The following CPS1 variants were observed in gnomAD, a reference collection of about 807,000 sequenced individuals.
The protein encoded by CPS1 is carbamoyl-phosphate synthase 1.
Under a neutral mutation model 174.6 loss-of-function variants are expected in CPS1, and 109 were observed. The ratio of observed to expected loss-of-function variants is 0.62; its 90% CI spans 0.53 to 0.73. The LOEUF is 0.73. CPS1 is among the 30% of genes least tolerant of loss of function. The probability of loss-of-function intolerance (pLI) is 0.00; values close to 1 mark genes in which losing one functional copy is unlikely to be tolerated. For synonymous variants in CPS1, 637 were observed against 632.0 expected (o/e 1.01, Z -0.12); for missense variants, 1,689 against 1,821.9 (o/e 0.93, Z 1.33).
At chr2:210,630,682 T>A (rs1699838770) in intron 21 of CPS1, among the ~76,000 whole-genome samples, 2 of 152,216 alleles carry the variant, frequency 1.3e-5, no homozygotes, top group Admixed American at 1.3e-4. Context: ...AAAATAGTAG[T>A]GCCTACCCAA....
chr2:210,582,728 T>C lies in CPS1; in HGVS notation c.621+19T>C. 2.5e-6 allele frequency: 4 copies of C among 1,572,036 alleles called. No homozygotes were observed. Among genetic ancestry groups the C allele is most frequent in the Non-Finnish European group, 3.5e-6 (4 of 1,141,966 alleles). On this transcript the variant is annotated intron_variant, in intron 6 of 37. Coordinates refer to ENST00000233072, the MANE Select transcript of CPS1 (RefSeq NM_001875.5). ...AACCAAGGTGAGGGGTTTTCCTTTATATTTTGTAGTTTTATTTGATCCCAT... is the reference window on the plus strand; with the variant it reads ...AACCAAGGTGAGGGGTTTTCCTTTACATTTTGTAGTTTTATTTGATCCCAT...
At chr2:210,535,819 G>T (rs373165005) in intron 1 of CPS1, among the ~76,000 whole-genome samples, 555 of 117,598 alleles carry the variant, frequency 4.7e-3, no homozygotes, top group East Asian at 5.2e-3. Flanking sequence ...CTTTTTCCTT[G>T]TTTTTTTTTT....
intron 31 of CPS1, 76 bp from the exon 32 acceptor site, chr2:210,660,409 G>A: frequency 7.1e-7 from 1 of 1,417,742 alleles, no homozygotes; most frequent in Non-Finnish European, 1.0e-6. Context: ...CTGGAAACCA[G>A]TGGTAGAGAG....
At chr2:210,651,525 A>T (rs1403277472) in intron 28 of CPS1, among the ~76,000 whole-genome samples, 3 of 152,212 alleles carry the variant, frequency 2.0e-5, no homozygotes, top group Non-Finnish European at 4.4e-5. Context: ...GGGTCCTGCC[A>T]TGCGGCCCTT....
intron 15 of CPS1, 81 bp downstream of exon 15, chr2:210,600,793 A>G: frequency 7.0e-7 from 1 of 1,433,464 alleles, no homozygotes; most frequent in Non-Finnish European, 9.8e-7. Context: ...GCCTAATAAT[A>G]ATAGTTAAGA....
chr2:210,546,024 A>G (rs562331446), intron 1 of CPS1, among the ~76,000 whole-genome samples: 1 of 151,920 alleles, frequency 6.6e-6, no homozygotes, highest in Non-Finnish European at 1.5e-5. Context: ...TTAGATTTTT[A>G]GTTCTTTTTG....
intron 1 of CPS1, among the ~76,000 whole-genome samples, chr2:210,505,723 G>A (rs758874608): frequency 6.6e-5 from 10 of 152,178 alleles, no homozygotes; most frequent in African/African-American, 1.7e-4. Context: ...CTTAGCAAAC[G>A]GCACACCAGG....
chr2:210,602,040 A>G (rs75685792), intron 15 of CPS1, among the ~76,000 whole-genome samples, 162 bp from the exon 16 acceptor site: 50 of 152,012 alleles, frequency 3.3e-4, no homozygotes, highest in African/African-American at 1.2e-3. Flanking sequence ...CATTTGAGTA[A>G]CAACACTTGC....
intron 11 of CPS1, chr2:210,593,472 G>C: frequency 1.0e-6 from 1 of 993,374 alleles, no homozygotes; most frequent in Non-Finnish European, 1.2e-6. Context: ...GAACCACAAG[G>C]AATGCTTAGA....
At chr2:210,645,980 G>A (rs1700365481) in intron 25 of CPS1, among the ~76,000 whole-genome samples, 1 of 152,080 alleles carries the variant, frequency 6.6e-6, no homozygotes, top group South Asian at 2.1e-4. Flanking sequence ...TTGCAAAACA[G>A]AATTTTTAAT....
intron 29 of CPS1, among the ~76,000 whole-genome samples, chr2:210,655,576 T>C (rs972212870): frequency 6.6e-6 from 1 of 152,178 alleles, no homozygotes; most frequent in African/African-American, 2.4e-5. Context: ...TGAGCTCTTA[T>C]TATTTTATAA....
At chr2:210,501,498 C>CT (rs1200779296) in intron 1 of CPS1, among the ~76,000 whole-genome samples, 7 of 152,276 alleles carry the variant, frequency 4.6e-5, no homozygotes, top group African/African-American at 1.7e-4. Context: ...TTCTTGAATG[C>CT]TTTGCTGCTT....
rs1384798897 is a variant in CPS1 at position 210,650,567 on chromosome 2, A to T, written c.3480+129A>T. 13 of 758,752 alleles carry T rather than the reference A, an allele frequency of 1.7e-5. No individual in the cohort carries two copies. The East Asian group carries it at 3.5e-4, about 20-fold the overall frequency. 47.0% of individuals were successfully genotyped at this position (758,752 alleles called of 1,614,324 possible). ...ACTTTGTATGTTTTCTTTTCACACA[A>T]TGTGTTAGAATGAGTTTTCTTTTTT... On this transcript the variant is annotated intron_variant, in intron 28 of 37. Transcript: ENST00000233072.
At position 210,486,571 on chromosome 2, in the gene CPS1, T is replaced by A. The variant is rs150399073; in HGVS notation, c.3+8805T>A. On this transcript the variant is annotated intron_variant, in intron 1 of 38. Coordinates refer to the CPS1 transcript ENST00000430249. ...TGTTGCCCAGGCTGGAGTGCAATGG[T>A]GCGATCGCGGCTTACCGCAACCTCC... Among the ~76,000 whole-genome samples the A allele has an allele frequency of 7.4e-3, 1,125 of 152,274 alleles. 12 individuals are homozygous for A. Among genetic ancestry groups the A allele is most frequent in the African/African-American group, 0.026 (1,065 of 41,560 alleles).
chr2:210,521,090 G>A (rs954237662), intron 1 of CPS1, among the ~76,000 whole-genome samples: 1 of 151,938 alleles, frequency 6.6e-6, no homozygotes, highest in African/African-American at 2.4e-5. Context: ...TCAATTCTTT[G>A]AGGACCTCAC....
chr2:210,523,416 T>TC (rs1695881307), intron 1 of CPS1, among the ~76,000 whole-genome samples: 1 of 151,984 alleles, frequency 6.6e-6, no homozygotes. Flanking sequence ...GTGCAATATA[T>TC]CCATGGGTTT....
At chr2:210,511,297 C>T (rs1349380028) in intron 1 of CPS1, among the ~76,000 whole-genome samples, 2 of 151,972 alleles carry the variant, frequency 1.3e-5, no homozygotes, top group Non-Finnish European at 2.9e-5. Context: ...AACCAAACAC[C>T]GCATGTTCTT....
intron 3 of CPS1, among the ~76,000 whole-genome samples, chr2:210,576,877 C>A (rs1160429822): frequency 6.6e-6 from 1 of 151,976 alleles, no homozygotes; most frequent in Non-Finnish European, 1.5e-5. Flanking sequence ...AGCTTTTATG[C>A]CAGTCTAAAA....
At chr2:210,506,680 A>T (rs1695296931) in intron 1 of CPS1, among the ~76,000 whole-genome samples, 1 of 152,244 alleles carries the variant, frequency 6.6e-6, no homozygotes, top group Non-Finnish European at 1.5e-5. Context: ...AGAAGTCCTT[A>T]AAGGACCTGA....
Sources: allele counts gnomAD v4.1 joint callset (sites outside exome capture counted in the v4.1 genomes callset), GRCh38; gene constraint gnomAD v4.1.1; transcripts MANE v1.5; gene names NCBI Gene and HGNC (gene_info 2026-07-23, HGNC 2026-07-21).